The following ERBB4 variants were observed in gnomAD, a reference collection of about 807,000 sequenced individuals.
ERBB4 encodes erb-b2 receptor tyrosine kinase 4, also known as receptor tyrosine-protein kinase erbB-4.
Under a neutral mutation model 158.0 loss-of-function variants are expected in ERBB4, and 42 were observed. The ratio of observed to expected loss-of-function variants is 0.27; its 90% CI spans 0.21 to 0.34. The LOEUF is 0.34. ERBB4 is among the 10% of genes least tolerant of loss of function. The probability of loss-of-function intolerance (pLI) is 1.00; values close to 1 mark genes in which losing one functional copy is unlikely to be tolerated. For synonymous variants in ERBB4, 583 were observed against 558.7 expected, an observed-to-expected ratio of 1.04 and a Z score of -0.61; for missense variants, 1,333 against 1,624.1, an observed-to-expected ratio of 0.82 and a Z score of 3.08.
intron 3 of ERBB4, among the ~76,000 whole-genome samples, chr2:211,824,734 G>A (rs1363378452): frequency 1.3e-5 from 2 of 151,748 alleles, no homozygotes; most frequent in Non-Finnish European, 2.9e-5. Context: ...TAATTAAAAA[G>A]ACCGAAAATA....
intron 4 of ERBB4, chr2:211,778,882 T>A (rs1311395606): frequency 1.3e-5 from 2 of 152,260 alleles, no homozygotes; most frequent in African/African-American, 4.8e-5. Context: ...CCTCTGGCAT[T>A]ACTACACTAT....
At chr2:211,528,463 T>C (rs2066410367) in intron 20 of ERBB4, among the ~76,000 whole-genome samples, 1 of 151,884 alleles carries the variant, frequency 6.6e-6, no homozygotes, top group Admixed American at 6.6e-5. Flanking sequence ...AGACAGAAAA[T>C]CAACAAAGAA....
chr2:211,673,517 C>CAAAAAAA lies in ERBB4; in HGVS notation c.1623-267_1623-261dup, dbSNP rs71054125. Among the ~76,000 whole-genome samples, 29 of 54,106 alleles carry CAAAAAAA rather than the reference C, an allele frequency of 5.4e-4. 4 individuals carry two copies. Among genetic ancestry groups the CAAAAAAA allele is most frequent in the Non-Finnish European group, 1.0e-3 (25 of 24,420 alleles). The allele number at this position is 54,106 out of a possible 152,430, so 35.5% of individuals were successfully genotyped here. Reference sequence around the variant, plus strand: ...CCTGCAAGACATATTCCAGCAATCTCAAAAAAAAAAAAAGCTACAAAGTAT... The same window carrying CAAAAAAA: ...CCTGCAAGACATATTCCAGCAATCTCAAAAAAAAAAAAAAAAAAAAGCTACAAAGTAT... On this transcript the variant is annotated intron_variant, in intron 13 of 27. Transcript: ENST00000342788.
chr2:211,551,075 T>C (rs2067083076), intron 20 of ERBB4, among the ~76,000 whole-genome samples: 3 of 152,080 alleles, frequency 2.0e-5, no homozygotes, highest in Admixed American at 2.0e-4. Flanking sequence ...GGCTTTTTAA[T>C]TAAAAAAAAT....
At chr2:212,115,355 G>C (rs2079540820) in intron 2 of ERBB4, among the ~76,000 whole-genome samples, 1 of 151,612 alleles carries the variant, frequency 6.6e-6, no homozygotes, top group East Asian at 1.9e-4. Flanking sequence ...AGAAAACAAA[G>C]TGTTTCATTT....
At chr2:211,686,933 T>A (rs2072580660) in intron 12 of ERBB4, among the ~76,000 whole-genome samples, 1 of 151,992 alleles carries the variant, frequency 6.6e-6, no homozygotes, top group South Asian at 2.1e-4. Context: ...ACAGGAATGA[T>A]CATGGATTTT....
chr2:211,653,413 T>A (rs951686824), intron 16 of ERBB4, among the ~76,000 whole-genome samples: 1 of 152,064 alleles, frequency 6.6e-6, no homozygotes, highest in Non-Finnish European at 1.5e-5. Context: ...AAAATGAAAG[T>A]TGATCAAGAC....
intron 3 of ERBB4, among the ~76,000 whole-genome samples, chr2:211,883,619 C>T (rs1218956675): frequency 6.6e-6 from 1 of 151,790 alleles, no homozygotes; most frequent in Non-Finnish European, 1.5e-5. Flanking sequence ...AACCCTGTCT[C>T]CACTAAAAAT....
At chr2:211,502,948 A>G (rs531151672) in intron 20 of ERBB4, among the ~76,000 whole-genome samples, 2 of 152,268 alleles carry the variant, frequency 1.3e-5, no homozygotes, top group South Asian at 4.1e-4. Flanking sequence ...TTGAAAGAAG[A>G]CACTGAAACT....
intron 2 of ERBB4, among the ~76,000 whole-genome samples, chr2:212,085,234 T>C (rs964040445): frequency 2.0e-5 from 3 of 151,974 alleles, no homozygotes; most frequent in African/African-American, 7.2e-5. Flanking sequence ...TTCCACATTC[T>C]AGCAGTTTAA....
Position 211,386,895 on chromosome 2 carries a change from C to T in ERBB4, c.3439G>A (p.Glu1147Lys), listed in dbSNP as rs2062695832. Reference protein sequence around the residue: ...PERSPRGELDEEGYMTPMRDK... With the variant: ...PERSPRGELDKEGYMTPMRDK... ...CGCATAGGAGTCATGTAACCTTCCT[C>T]ATCCAGCTCTCCTCGTGGGCTCCGT... The change falls in exon 27 of 28, where the codon GAG becomes AAG. Residue 1147 changes from glutamate (E) to lysine (K), a missense_variant. Coordinates refer to ENST00000342788, the MANE Select transcript of ERBB4 (RefSeq NM_005235.3). The T allele has an allele frequency of 6.2e-7, 1 of 1,614,108 alleles. No homozygotes were observed. The highest frequency in any genetic ancestry group is 8.5e-7 in the Non-Finnish European group (1 of 1,180,044).
rs150336534 is a variant in ERBB4, at chr2:212,282,398, A to C, written c.83-157495T>G. On this transcript the variant is annotated intron_variant, in intron 1 of 27. Coordinates refer to ENST00000342788, the MANE Select transcript of ERBB4 (RefSeq NM_005235.3). ...AACTCTGGAAAGCACTTTTTAAAAA[A>C]TATTTCTCTTTATCACAACTGCACT... is the stretch of plus-strand genomic sequence containing the variant. 1.1e-3 allele frequency among the ~76,000 whole-genome samples: 160 copies of C among 152,054 alleles called. 1 individual carries two copies. Among genetic ancestry groups the C allele is most frequent in the African/African-American group, 3.5e-3 (144 of 41,548 alleles).
At chr2:211,464,410 G>A (rs1287341735) in intron 20 of ERBB4, among the ~76,000 whole-genome samples, 2 of 152,198 alleles carry the variant, frequency 1.3e-5, no homozygotes, top group East Asian at 3.9e-4. Flanking sequence ...ATAATTACAG[G>A]TATGACTGAA....
chr2:212,344,722 C>T (rs1042791095), intron 1 of ERBB4, among the ~76,000 whole-genome samples: 1 of 152,080 alleles, frequency 6.6e-6, no homozygotes, highest in Admixed American at 6.5e-5. Flanking sequence ...AAATGTATTG[C>T]ATCATTTAAT....
At chr2:212,078,760 CTATTAA>C (rs917711475) in intron 2 of ERBB4, among the ~76,000 whole-genome samples, 20 of 151,340 alleles carry the variant, frequency 1.3e-4, no homozygotes, top group African/African-American at 4.4e-4. Context: ...ACAAACACAA[CTATTAA>C]TATTAATATA....
intron 1 of ERBB4, among the ~76,000 whole-genome samples, chr2:212,485,074 T>C (rs1335813951): frequency 6.6e-6 from 1 of 152,160 alleles, no homozygotes; most frequent in Non-Finnish European, 1.5e-5. Context: ...AAGATTACGA[T>C]TTCATTAACA....
At chr2:211,525,365 T>C (rs187496556) in intron 20 of ERBB4, among the ~76,000 whole-genome samples, 1 of 152,206 alleles carries the variant, frequency 6.6e-6, no homozygotes, top group East Asian at 1.9e-4. Context: ...CACAGTAGGA[T>C]AGGGCAGTGT....
chr2:211,460,690 T>C (rs1464654083), intron 20 of ERBB4, among the ~76,000 whole-genome samples: 4 of 152,188 alleles, frequency 2.6e-5, no homozygotes, highest in Non-Finnish European at 5.9e-5. Flanking sequence ...ACAGCCAGGG[T>C]GGCTTCCTAT....
rs758028567 is a variant in ERBB4, at chr2:211,947,659, G to T, written c.235-43C>A. 3.5e-5 allele frequency: 55 copies of T among 1,551,836 alleles called. No individual in the cohort carries two copies. The South Asian group carries it at 5.9e-4, about 17-fold the overall frequency. On this transcript the variant is annotated intron_variant, in intron 2 of 27. Coordinates refer to ENST00000342788, the MANE Select transcript of ERBB4 (RefSeq NM_005235.3). ...GTTGCCTGTGTTATAAAACGAATTT[G>T]TCACTCTGTATATGTAGCAATTTAG...
Sources: gnomAD v4.1 joint callset for allele counts (sites outside exome capture counted in the v4.1 genomes callset) on GRCh38, gnomAD v4.1.1 for gene constraint, MANE v1.5 for transcripts, NCBI Gene and HGNC (gene_info 2026-07-23, HGNC 2026-07-21) for gene names.